The following MAP2K7 variants were observed in gnomAD, a reference collection of about 807,000 sequenced individuals.
MAP2K7 encodes the protein mitogen-activated protein kinase kinase 7.
A neutral mutation model predicts 47.7 loss-of-function variants in MAP2K7; 12 were observed. That is an observed-to-expected ratio of 0.25 (90% CI 0.16 to 0.41). The LOEUF (loss-of-function observed/expected upper bound fraction) is 0.41. Among genes scored for constraint, MAP2K7 ranks in the 10% least tolerant of loss-of-function variants. MAP2K7 has a pLI of 1.00. For synonymous variants in MAP2K7, 299 were observed against 243.0 expected (o/e 1.23, Z -2.14); for missense variants, 415 against 600.3 (o/e 0.69, Z 3.23).
chr19:7,914,117 T>G lies in MAP2K7; in HGVS notation c.*1686T>G, dbSNP rs1361387408. On this transcript the variant is annotated 3_prime_UTR_variant, in exon 11 of 11. Coordinates refer to ENST00000397979, the MANE Select transcript of MAP2K7 (RefSeq NM_145185.4). ...GATTGCCGGAAGGTTGCATGGCTGGTCCCAGGGCCAGCACAGGCCCGAGGC... is the reference window on the plus strand; with the variant it reads ...GATTGCCGGAAGGTTGCATGGCTGGGCCCAGGGCCAGCACAGGCCCGAGGC... The G allele has an allele frequency of 6.6e-6, 1 of 152,244 alleles. No individual in the cohort carries two copies. 9.4% of individuals were successfully genotyped at this position (152,244 alleles called of 1,614,324 possible).
rs1316933291 is a variant in MAP2K7, at chr19:7,904,207, C to A, written c.124+139C>A. ...CTCCGCCCCCCCCGCTGCGGGCTCGCGGGGCGAGGGTCACGGTGACCCGGG... is the reference window on the plus strand; with the variant it reads ...CTCCGCCCCCCCCGCTGCGGGCTCGAGGGGCGAGGGTCACGGTGACCCGGG... On this transcript the variant is annotated intron_variant, in intron 1 of 10. Coordinates refer to ENST00000397979, the MANE Select transcript of MAP2K7 (RefSeq NM_145185.4). The A allele has an allele frequency of 1.4e-5, 10 of 726,046 alleles. No individual in the cohort carries two copies. In the Admixed American group the frequency reaches 4.1e-4, roughly 30 times the overall value. 45.0% of individuals were successfully genotyped at this position (726,046 alleles called of 1,614,324 possible). A position where few individuals can be genotyped will look rare whatever the true frequency, so the allele number is the denominator to read the frequency against.
intron 1 of MAP2K7, 83 bp from the exon 2 acceptor site, chr19:7,909,672 A>T: frequency 1.3e-6 from 1 of 774,862 alleles, no homozygotes; most frequent in Non-Finnish European, 2.1e-6. Flanking sequence ...GAGGGTCCCG[A>T]CCCCTCCCTG....
chr19:7,910,278 A>T lies in MAP2K7; in HGVS notation c.352A>T (p.Asn118Tyr). The T allele has an allele frequency of 6.2e-7, 1 of 1,613,190 alleles. No individual in the cohort carries two copies. Among genetic ancestry groups the T allele is most frequent in the South Asian group, 1.1e-5 (1 of 91,078 alleles). ...IGGQRYQAEINDLENLGEMGS... is the reference protein window; with the variant it reads ...IGGQRYQAEIYDLENLGEMGS... ...CTCCCAGCGCTACCAGGCAGAAATC[A>T]ACGACCTGGAGAACTTGGGCGAGAT... The change falls in exon 4 of 11, where the codon AAC (asparagine) becomes TAC (tyrosine). Residue 118 changes from asparagine to tyrosine, a missense_variant. This residue lies in a region of MAP2K7 where 206 missense variants were observed against 368.8 expected (regional missense o/e 0.56). Coordinates refer to ENST00000397979, the MANE Select transcript of MAP2K7 (RefSeq NM_145185.4).
intron 1 of MAP2K7, chr19:7,906,141 T>A: frequency 4.1e-6 from 2 of 484,362 alleles, no homozygotes. Context: ...CCTCCGGGGG[T>A]GGGGGGGGTG....
rs1983084540 is a variant in MAP2K7, at chr19:7,913,623, G to C, written c.*1192G>C. ...AGTCCACGTTGAGGTCCAGGACTGG[G>C]AAGGACCGGGTGAGTGCACCGGGGA... On this transcript the variant is annotated 3_prime_UTR_variant, in exon 11 of 11. Transcript: ENST00000397979. 1 of 152,146 alleles carries C rather than the reference G, an allele frequency of 6.6e-6. No homozygotes were observed. The highest frequency in any genetic ancestry group is 6.5e-5 in the Admixed American group (1 of 15,278). 9.4% of individuals were successfully genotyped at this position (152,146 alleles called of 1,614,324 possible).
rs1029321038 is a variant in MAP2K7 at position 7,913,764 on chromosome 19, AAAC to A, written c.*1336_*1338del. The stretch of plus-strand genomic sequence containing the variant: ...GGACAAGAAAAAATAACAAAACAAA[AAAC>A]AAGAAAAAAAAAACACAAAACCCCG... On this transcript the variant is annotated 3_prime_UTR_variant, in exon 11 of 11. Coordinates refer to ENST00000397979, the MANE Select transcript of MAP2K7 (RefSeq NM_145185.4). The A allele has an allele frequency of 6.6e-6, 1 of 152,252 alleles. No homozygotes were observed. Among genetic ancestry groups the A allele is most frequent in the Non-Finnish European group, 1.5e-5 (1 of 67,960 alleles). The allele number at this position is 152,252 out of a possible 1,614,324, so 9.4% of individuals were successfully genotyped here.
chr19:7,911,528 G>A lies in MAP2K7; in HGVS notation c.1029G>A (p.Leu343=), dbSNP rs763221799. The A allele has an allele frequency of 1.7e-5, 27 of 1,611,230 alleles. No homozygotes were observed. Among genetic ancestry groups the A allele is most frequent in the Non-Finnish European group, 2.2e-5 (26 of 1,178,956 alleles). The stretch of plus-strand genomic sequence containing the variant: ...TCCTACAGGAAGAGCCCCCGCTTCT[G>A]CCCGGACACATGGGCTTCTCGGGGG... The part of the protein sequence containing the change: ...TKVLQEEPPL[L]PGHMGFSGDF... The change falls in exon 9 of 11, where the codon CTG becomes CTA. Residue 343 remains leucine (L), a synonymous_variant. Transcript: ENST00000397979.
Position 7,913,646 on chromosome 19 carries a change from G to A in MAP2K7, c.*1215G>A, listed in dbSNP as rs891727053. ...GGGAAGGACCGGGTGAGTGCACCGG[G>A]GACCCAGGCCAGGTGCCCCCCGGAG... On this transcript the variant is annotated 3_prime_UTR_variant, in exon 11 of 11. Transcript: ENST00000397979. The A allele has an allele frequency of 1.3e-5, 2 of 152,100 alleles. No homozygotes were observed. The highest frequency in any genetic ancestry group is 2.9e-5 in the Non-Finnish European group (2 of 68,004). 9.4% of individuals were successfully genotyped at this position (152,100 alleles called of 1,614,324 possible).
At chr19:7,905,254 C>T (rs569952376) in intron 1 of MAP2K7, among the ~76,000 whole-genome samples, 160 of 111,476 alleles carry the variant, frequency 1.4e-3, no homozygotes, top group Middle Eastern at 8.1e-3. Flanking sequence ...TTATGGCAGG[C>T]GAGAAAGGTA....
At position 7,904,164 on chromosome 19, in the gene MAP2K7, C is replaced by T. The variant is rs1043553462; in HGVS notation, c.124+96C>T. On this transcript the variant is annotated intron_variant, in intron 1 of 10. Coordinates refer to ENST00000397979, the MANE Select transcript of MAP2K7 (RefSeq NM_145185.4). ...CACCACAAGGCCCCGCCCCCGCTTC[C>T]GGGGCGCTCGCTCTCCTCTCCGCCC... 3 of 1,017,300 alleles carry T rather than the reference C, an allele frequency of 2.9e-6. No homozygotes were observed. The African/African-American group carries it at 5.1e-5, about 17-fold the overall frequency. The allele number at this position is 1,017,300 out of a possible 1,614,324, so 63.0% of individuals were successfully genotyped here.
At chr19:7,912,093 G>A (rs1982914791) in intron 9 of MAP2K7, 56 bp from the exon 10 acceptor site, 1 of 1,552,510 alleles carries the variant, frequency 6.4e-7, no homozygotes, top group Non-Finnish European at 8.9e-7. Flanking sequence ...ACAGGGGTGG[G>A]GCCGGCATCC....
intron 1 of MAP2K7, 123 bp from the exon 2 acceptor site, chr19:7,909,632 C>T (rs1982683289): frequency 3.3e-6 from 2 of 609,302 alleles, no homozygotes; most frequent in Non-Finnish European, 5.7e-6. Flanking sequence ...GCTGTGCCAG[C>T]CTAGCTCGGG....
intron 1 of MAP2K7, chr19:7,905,841 C>T (rs767412863): frequency 7.4e-6 from 12 of 1,612,566 alleles, no homozygotes; most frequent in South Asian, 4.4e-5. Flanking sequence ...GCTCCTGCCC[C>T]GTCCCAACGA....
At chr19:7,912,258 G>A in intron 10 of MAP2K7, 39 bp from the exon 11 acceptor site, 1 of 1,613,540 alleles carries the variant, frequency 6.2e-7, no homozygotes, top group Non-Finnish European at 8.5e-7. Context: ...CAGGAGGGAA[G>A]ACCGTCTCCT....
At chr19:7,904,115 G>A (rs1982271530) in intron 1 of MAP2K7, 47 bp downstream of exon 1, 1 of 1,196,692 alleles carries the variant, frequency 8.4e-7, no homozygotes. Context: ...GGGGCGGGGC[G>A]CGCGCCGCGG....
intron 1 of MAP2K7, among the ~76,000 whole-genome samples, chr19:7,907,702 C>G (rs1243861833): frequency 6.6e-6 from 1 of 152,194 alleles, no homozygotes; most frequent in African/African-American, 2.4e-5. Flanking sequence ...GGGCCACCCT[C>G]GGAAGGCCTG....
chr19:7,906,069 C>T, intron 1 of MAP2K7: 1 of 591,848 alleles, frequency 1.7e-6, no homozygotes, highest in Non-Finnish European at 3.0e-6. Context: ...CCCTTACTCC[C>T]AGCTCCACTT....
Position 7,912,289 on chromosome 19 carries a change from G to T in MAP2K7, c.1126-8G>T, listed in dbSNP as rs770358361. 4 of 1,613,532 alleles carry T rather than the reference G, an allele frequency of 2.5e-6. No homozygotes were observed. In the African/African-American group the frequency reaches 4.0e-5, roughly 16 times the overall value. On this transcript the variant is annotated splice_region_variant and splice_polypyrimidine_tract_variant and intron_variant, in intron 10 of 10. Coordinates refer to ENST00000397979, the MANE Select transcript of MAP2K7 (RefSeq NM_145185.4). ...CTCCTCCTAAGCCCCACCCCCTCGG[G>T]CCCACAGGAACACAGCTTCATCAAG...
intron 1 of MAP2K7, chr19:7,906,230 C>T: frequency 3.7e-6 from 1 of 272,146 alleles, no homozygotes; most frequent in Non-Finnish European, 7.2e-6. Flanking sequence ...GGATCTCTCT[C>T]AACAACTAGG....
Sources: allele counts gnomAD v4.1 joint callset (sites outside exome capture counted in the v4.1 genomes callset), GRCh38; gene constraint gnomAD v4.1.1; regional missense constraint gnomAD v4.1.1; transcripts MANE v1.5; gene names NCBI Gene and HGNC (gene_info 2026-07-23, HGNC 2026-07-21).